The following SAMD12 variants were observed in gnomAD, a reference collection of about 807,000 sequenced individuals.
SAMD12 encodes sterile alpha motif domain containing 12, also known as sterile alpha motif domain-containing protein 12.
In SAMD12, 9 loss-of-function variants were observed where a neutral mutation model predicts 15.0. The ratio of observed to expected loss-of-function variants is 0.60; its 90% CI spans 0.36 to 1.05. The LOEUF is 1.05. Among genes scored for constraint, SAMD12 ranks in the 50% least tolerant of loss-of-function variants. SAMD12 has a pLI of 0.01. For synonymous variants in SAMD12, 86 were observed against 90.1 expected (o/e 0.96, Z 0.25); for missense variants, 230 against 234.2 (o/e 0.98, Z 0.12).
chr8:118,447,693 T>A (rs1260346645), intron 2 of SAMD12, among the ~76,000 whole-genome samples: 2 of 145,072 alleles, frequency 1.4e-5, no homozygotes, highest in African/African-American at 5.2e-5. Flanking sequence ...TTTTTTTATT[T>A]TTTATTTTTA....
chr8:118,435,391 A>G (rs112146007), intron 3 of SAMD12, among the ~76,000 whole-genome samples: 1 of 152,202 alleles, frequency 6.6e-6, no homozygotes, highest in Admixed American at 6.5e-5. Context: ...GTATGTATAC[A>G]CTATATAAAT....
chr8:118,340,801 T>C (rs1817322119), intron 4 of SAMD12, among the ~76,000 whole-genome samples: 1 of 152,074 alleles, frequency 6.6e-6, no homozygotes, highest in African/African-American at 2.4e-5. Flanking sequence ...GTATACACAA[T>C]TCAAGGTTCT....
the SAMD12 span, among the ~76,000 whole-genome samples, chr8:118,151,496 C>A: frequency 6.6e-6 from 1 of 151,916 alleles, no homozygotes; most frequent in South Asian, 2.1e-4. Flanking sequence ...CATAAAAAAC[C>A]TGGAGTGATC....
At chr8:118,321,475 G>A (rs537573982) in intron 4 of SAMD12, among the ~76,000 whole-genome samples, 3 of 151,830 alleles carry the variant, frequency 2.0e-5, no homozygotes, top group South Asian at 2.1e-4. Context: ...TTAGCGGGAC[G>A]TGGTGGCACA....
chr8:118,359,025 G>GTA (rs1023408690), intron 4 of SAMD12, among the ~76,000 whole-genome samples: 35 of 146,838 alleles, frequency 2.4e-4, no homozygotes, highest in South Asian at 1.1e-3. Context: ...GTGTGTGTGT[G>GTA]TATATATATA....
rs534515200 is a variant in SAMD12, at chr8:118,508,574, C to T, written c.193-68613G>A. On this transcript the variant is annotated intron_variant, in intron 2 of 3. Coordinates refer to ENST00000314727, the MANE Select transcript of SAMD12 (RefSeq NM_207506.3). Reference sequence around the variant, plus strand: ...ATGTCTGAGAAGATAAAGACACCTTCGTGTCATTTTACAGTCTCACCTCCA... The same window carrying T: ...ATGTCTGAGAAGATAAAGACACCTTTGTGTCATTTTACAGTCTCACCTCCA... Among the ~76,000 whole-genome samples, 14 of 152,298 alleles carry T rather than the reference C, an allele frequency of 9.2e-5. No homozygotes were observed. The South Asian group carries it at 1.7e-3, about 18-fold the overall frequency.
chr8:118,609,265 C>T (rs1474542504), intron 1 of SAMD12, among the ~76,000 whole-genome samples: 1 of 152,216 alleles, frequency 6.6e-6, no homozygotes, highest in East Asian at 1.9e-4. Flanking sequence ...GCAGTTCAAA[C>T]ACAAAGGACA....
the SAMD12 span, among the ~76,000 whole-genome samples, chr8:118,172,764 A>G: frequency 6.6e-6 from 1 of 152,114 alleles, no homozygotes; most frequent in East Asian, 1.9e-4. Context: ...TTGTGATAAG[A>G]GCACCTGAGA....
At chr8:118,548,090 T>C (rs575439206) in intron 2 of SAMD12, among the ~76,000 whole-genome samples, 5 of 152,132 alleles carry the variant, frequency 3.3e-5, no homozygotes, top group African/African-American at 9.6e-5. Context: ...ATGAAGAAAT[T>C]AGTGAGAGAA....
chr8:118,415,679 A>T (rs1038938599), intron 3 of SAMD12, among the ~76,000 whole-genome samples: 1 of 152,170 alleles, frequency 6.6e-6, no homozygotes, highest in South Asian at 2.1e-4. Flanking sequence ...AAGAATTAGG[A>T]GATTTCCTTG....
At chr8:118,371,424 G>A (rs1819091471) in intron 4 of SAMD12, among the ~76,000 whole-genome samples, 1 of 152,026 alleles carries the variant, frequency 6.6e-6, no homozygotes, top group African/African-American at 2.4e-5. Flanking sequence ...CAGTGGTTAG[G>A]GTAGAGATAA....
chr8:118,284,522 G>A, intron 4 of SAMD12: 1 of 349,930 alleles, frequency 2.9e-6, no homozygotes, highest in Admixed American at 3.7e-5. Flanking sequence ...AGACAAAAAT[G>A]GAACATCAAG....
At position 118,552,696 on chromosome 8, in the gene SAMD12, G is replaced by T. The variant is rs1453233641; in HGVS notation, c.192+28019C>A. Among the ~76,000 whole-genome samples the T allele has an allele frequency of 2.6e-4, 39 of 152,130 alleles. 1 individual carries two copies. The highest frequency in any genetic ancestry group is 4.6e-4 in the Non-Finnish European group (31 of 67,992). Reference sequence around the variant, plus strand: ...TTCTGGCCACGGCAATTAGGCAGGAGAAGGAAATAAAGGGTATTCAATTAG... The same window carrying T: ...TTCTGGCCACGGCAATTAGGCAGGATAAGGAAATAAAGGGTATTCAATTAG... On this transcript the variant is annotated intron_variant, in intron 2 of 3. Transcript: ENST00000314727.
chr8:118,491,821 C>T (rs755516163), intron 2 of SAMD12, among the ~76,000 whole-genome samples: 13 of 152,126 alleles, frequency 8.5e-5, no homozygotes, highest in Non-Finnish European at 1.3e-4. Flanking sequence ...TGTATAAATA[C>T]ACCACAATTT....
rs1444849922 is a variant in SAMD12 at position 118,557,429 on chromosome 8, C to G, written c.192+23286G>C. Among the ~76,000 whole-genome samples, 5 of 152,258 alleles carry G rather than the reference C, an allele frequency of 3.3e-5. No homozygotes were observed. In the South Asian group the frequency reaches 8.3e-4, roughly 25 times the overall value. On this transcript the variant is annotated intron_variant, in intron 2 of 3. Coordinates refer to ENST00000314727, the MANE Select transcript of SAMD12 (RefSeq NM_207506.3). Reference sequence around the variant, plus strand: ...ATAGCTGTGTGAGAACAGACTAATACAGGGGACATTTAGGAAGGTTCATTT... The same window carrying G: ...ATAGCTGTGTGAGAACAGACTAATAGAGGGGACATTTAGGAAGGTTCATTT...
At chr8:118,462,735 A>G (rs1295129115) in intron 2 of SAMD12, among the ~76,000 whole-genome samples, 3 of 152,212 alleles carry the variant, frequency 2.0e-5, no homozygotes, top group African/African-American at 7.2e-5. Flanking sequence ...GCCAAGGACC[A>G]CATGGGAAGA....
At chr8:118,491,114 A>G (rs1181111390) in intron 2 of SAMD12, among the ~76,000 whole-genome samples, 1 of 152,102 alleles carries the variant, frequency 6.6e-6, no homozygotes, top group Non-Finnish European at 1.5e-5. Flanking sequence ...CCAATGCATC[A>G]TCTCTGTCAT....
chr8:118,440,372 C>T (rs1822703845), intron 2 of SAMD12, among the ~76,000 whole-genome samples: 1 of 152,154 alleles, frequency 6.6e-6, no homozygotes. Context: ...CCTAGCACAA[C>T]ACTGGCTCCA....
Position 118,565,469 on chromosome 8 carries a change from A to C in SAMD12, c.192+15246T>G, listed in dbSNP as rs369130165. On this transcript the variant is annotated intron_variant, in intron 2 of 3. Transcript: ENST00000314727. ...AGAAGTAGCACCAGCAGGGGCAGGGAAACTGAAGGGATGCCACCACCTCCT... is the reference window on the plus strand; with the variant it reads ...AGAAGTAGCACCAGCAGGGGCAGGGCAACTGAAGGGATGCCACCACCTCCT... Among the ~76,000 whole-genome samples, 66 of 152,328 alleles carry C rather than the reference A, an allele frequency of 4.3e-4. No individual in the cohort carries two copies. In the East Asian group the frequency reaches 0.01, roughly 24 times the overall value.
Sources: gnomAD v4.1 joint callset for allele counts (sites outside exome capture counted in the v4.1 genomes callset) on GRCh38, gnomAD v4.1.1 for gene constraint, MANE v1.5 for transcripts, NCBI Gene and HGNC (gene_info 2026-07-23, HGNC 2026-07-21) for gene names.